DENND1B: variants seen among roughly 807,000 people sequenced by gnomAD.
DENND1B encodes the protein DENN domain containing 1B, also known as DENN domain-containing protein 1B.
A neutral mutation model predicts 90.1 loss-of-function variants in DENND1B; 59 were observed. The ratio of observed to expected loss-of-function variants is 0.65; its 90% CI spans 0.53 to 0.81. The LOEUF is 0.81. DENND1B is among the 40% of genes least tolerant of loss of function. The probability of loss-of-function intolerance (pLI) is 0.00; values close to 1 mark genes in which losing one functional copy is unlikely to be tolerated. For missense variants in DENND1B, 862 were observed against 912.6 expected (o/e 0.94, Z 0.71); for synonymous variants, 337 against 324.6 (o/e 1.04, Z -0.41).
intron 13 of DENND1B, among the ~76,000 whole-genome samples, chr1:197,601,989 A>G (rs899722072): frequency 6.6e-6 from 1 of 151,704 alleles, no homozygotes; most frequent in African/African-American, 2.4e-5. Flanking sequence ...ATTTAAAAGA[A>G]TAGCTGAGTT....
chr1:197,660,284 T>C (rs996299340), intron 5 of DENND1B, among the ~76,000 whole-genome samples: 1 of 152,006 alleles, frequency 6.6e-6, no homozygotes, highest in African/African-American at 2.4e-5. Context: ...TGTATACCTA[T>C]GTAACAAACC....
intron 20 of DENND1B, among the ~76,000 whole-genome samples, chr1:197,516,322 A>AG (rs1364443239): frequency 1.5e-4 from 23 of 151,994 alleles, no homozygotes; most frequent in African/African-American, 5.5e-4. Flanking sequence ...AACCTGCATT[A>AG]GGAACTGCAG....
Position 197,576,726 on chromosome 1 carries a change from G to A in DENND1B, c.1149+6426C>T, listed in dbSNP as rs1673720513. On this transcript the variant is annotated intron_variant, in intron 15 of 22. Transcript: ENST00000620048. ...ATATGTATTCTCTTCTGCCATGGGG[G>A]GCACTTTTTTGGATAGAAAAGTTTG... Among the ~76,000 whole-genome samples the A allele has an allele frequency of 2.0e-5, 3 of 151,898 alleles. No individual in the cohort carries two copies. The South Asian group carries it at 6.2e-4, about 32-fold the overall frequency.
At chr1:197,729,985 G>A (rs1662004460) in intron 2 of DENND1B, among the ~76,000 whole-genome samples, 1 of 152,040 alleles carries the variant, frequency 6.6e-6, no homozygotes, top group Non-Finnish European at 1.5e-5. Flanking sequence ...TCACTACTAC[G>A]AAAAAAGTTC....
At chr1:197,747,563 A>T (rs1652869756) in intron 2 of DENND1B, 2 of 184,624 alleles carry the variant, frequency 1.1e-5, no homozygotes, top group Non-Finnish European at 2.2e-5. Context: ...CAAAGTGAGC[A>T]CATGCTGTTA....
At chr1:197,630,931 C>CA (rs1340589469) in intron 10 of DENND1B, among the ~76,000 whole-genome samples, 1 of 152,144 alleles carries the variant, frequency 6.6e-6, no homozygotes, top group Non-Finnish European at 1.5e-5. Context: ...CTGCTGTACT[C>CA]ACCTCGTCAC....
chr1:197,650,642 A>G (rs1050158141), intron 7 of DENND1B, among the ~76,000 whole-genome samples: 1 of 152,196 alleles, frequency 6.6e-6, no homozygotes, highest in Non-Finnish European at 1.5e-5. Flanking sequence ...ACAAGTGGAT[A>G]AAGAAACTGC....
chr1:197,692,116 CTG>C (rs542043248), intron 3 of DENND1B, among the ~76,000 whole-genome samples: 2 of 151,464 alleles, frequency 1.3e-5, no homozygotes, highest in Non-Finnish European at 3.0e-5. Flanking sequence ...TCTCATGTAT[CTG>C]TGCCTCCACA....
At chr1:197,536,160 T>TAGAGG (rs1669881651) in intron 20 of DENND1B, among the ~76,000 whole-genome samples, 2 of 126,320 alleles carry the variant, frequency 1.6e-5, no homozygotes, top group Admixed American at 8.0e-5. Context: ...GAGAGAGAGA[T>TAGAGG]AGATGAGATG....
At chr1:197,562,445 C>G (rs1251623479) in intron 15 of DENND1B, among the ~76,000 whole-genome samples, 5 of 151,836 alleles carry the variant, frequency 3.3e-5, no homozygotes, top group Non-Finnish European at 7.4e-5. Context: ...CAAACTTTTT[C>G]ATTATAATCA....
At position 197,705,778 on chromosome 1, in the gene DENND1B, A is replaced by G. The variant is rs951215533; in HGVS notation, c.126+9253T>C. Among the ~76,000 whole-genome samples the G allele has an allele frequency of 3.9e-5, 6 of 152,058 alleles. No individual in the cohort carries two copies. The South Asian group carries it at 8.3e-4, about 21-fold the overall frequency. ...TGGTAAAATGAGTGAGCAAGGCTCT[A>G]GTCTAACTACAAGCTATTTGAGAAC... On this transcript the variant is annotated intron_variant, in intron 3 of 22. Transcript: ENST00000620048.
At chr1:197,693,348 C>T (rs568386727) in intron 3 of DENND1B, among the ~76,000 whole-genome samples, 40 of 151,584 alleles carry the variant, frequency 2.6e-4, no homozygotes, top group Non-Finnish European at 7.4e-5. Flanking sequence ...TTAAATAAAA[C>T]ATTCACCATC....
chr1:197,579,617 T>A (rs1388031893), intron 15 of DENND1B, among the ~76,000 whole-genome samples: 2 of 152,160 alleles, frequency 1.3e-5, no homozygotes, highest in Non-Finnish European at 2.9e-5. Context: ...CTCTGTTCCA[T>A]TTTCTGTCCT....
intron 2 of DENND1B, among the ~76,000 whole-genome samples, chr1:197,715,479 T>C (rs1660555040): frequency 6.6e-6 from 1 of 151,892 alleles, no homozygotes; most frequent in Non-Finnish European, 1.5e-5. Flanking sequence ...TAATAAAATA[T>C]ATTATAGCTC....
intron 2 of DENND1B, among the ~76,000 whole-genome samples, chr1:197,750,860 T>C (rs181130837): frequency 1.3e-5 from 2 of 152,246 alleles, no homozygotes; most frequent in East Asian, 3.9e-4. Flanking sequence ...AGAAATTTCA[T>C]ATGTTAAAAT....
At chr1:197,606,456 GACAA>G (rs1215319244) in intron 13 of DENND1B, 1 of 151,194 alleles carries the variant, frequency 6.6e-6, no homozygotes, top group Non-Finnish European at 1.5e-5. Context: ...CAAAGCAAAT[GACAA>G]ACAGTGTAGG....
chr1:197,611,969 T>C lies in DENND1B; in HGVS notation c.781A>G (p.Met261Val), dbSNP rs762585711. 3.1e-6 allele frequency: 5 copies of C among 1,603,212 alleles called. No homozygotes were observed. The highest frequency in any genetic ancestry group is 1.7e-4 in the Middle Eastern group (1 of 5,984). ...PHLLDYCCAP[M>V]PYLIGIHSSL... ...GAGTGTATTCCAATCAGGTATGGCA[T>C]TGGGGCACTAAATTAAAAATATATA... The change falls in exon 12 of 23, where the codon ATG (methionine) becomes GTG (valine). Residue 261 changes from methionine (M) to valine (V), a missense_variant. By Grantham distance (21) the Met-to-Val change is conservative (BLOSUM62 1). Coordinates refer to ENST00000620048, the MANE Select transcript of DENND1B (RefSeq NM_001195215.2).
chr1:197,716,450 A>G (rs1660655223), intron 2 of DENND1B, among the ~76,000 whole-genome samples: 1 of 151,820 alleles, frequency 6.6e-6, no homozygotes, highest in Non-Finnish European at 1.5e-5. Flanking sequence ...ATACATTTCT[A>G]AAATGAATGT....
At chr1:197,759,287 A>C in intron 2 of DENND1B, among the ~76,000 whole-genome samples, 1 of 151,746 alleles carries the variant, frequency 6.6e-6, no homozygotes, top group Non-Finnish European at 1.5e-5. Flanking sequence ...TTCTTTAAAA[A>C]ATTTAAAAAA....
Sources: allele counts gnomAD v4.1 joint callset (sites outside exome capture counted in the v4.1 genomes callset), GRCh38; gene constraint gnomAD v4.1.1; transcripts MANE v1.5; gene names NCBI Gene and HGNC (gene_info 2026-07-23, HGNC 2026-07-21).